FAR2: variants seen among roughly 807,000 people sequenced by gnomAD.
The protein encoded by FAR2 is fatty acyl-CoA reductase 2, also known as epididymis secretory protein Li 81.
A neutral mutation model predicts 56.0 loss-of-function variants in FAR2; 19 were observed. That is an observed-to-expected ratio of 0.34 (90% confidence interval 0.24 to 0.50). The LOEUF (loss-of-function observed/expected upper bound fraction) is 0.50, where lower values mean the gene tolerates loss of function less well. Ranked by LOEUF, FAR2 falls within the 20% of genes least tolerant of loss-of-function variation. The probability of loss-of-function intolerance (pLI) is 0.98; values close to 1 mark genes in which losing one functional copy is unlikely to be tolerated. For missense variants in FAR2, 508 were observed against 642.2 expected (o/e 0.79, Z 2.26); for synonymous variants, 219 against 218.8 (o/e 1.00, Z -0.01).
intron 4 of FAR2, among the ~76,000 whole-genome samples, 165 bp downstream of exon 4, chr12:29,297,365 G>A (rs1250083963): frequency 1.3e-5 from 2 of 152,116 alleles, no homozygotes; most frequent in Non-Finnish European, 2.9e-5. Context: ...GTTCTGGTGG[G>A]GAATATACTG....
At chr12:29,274,037 G>GC (rs1342654939) in intron 2 of FAR2, among the ~76,000 whole-genome samples, 3 of 149,408 alleles carry the variant, frequency 2.0e-5, no homozygotes, top group African/African-American at 7.3e-5. Flanking sequence ...CGGTTATTGT[G>GC]TTTGTTTTTC....
At position 29,186,762 on chromosome 12, in the gene FAR2, ATTTAT is replaced by A. The variant is rs1565685639; in HGVS notation, c.-39+37358_-39+37362del. On this transcript the variant is annotated intron_variant, in intron 1 of 11. Transcript: ENST00000536681. ...CAGCTTAGTTCTTTATTTATTATTT[ATTTAT>A]TTATTTATTTATTTATTTATTTATT... 3.6e-4 allele frequency among the ~76,000 whole-genome samples: 50 copies of A among 137,456 alleles called. 1 individual carries two copies. The highest frequency in any genetic ancestry group is 2.8e-3 in the South Asian group (13 of 4,564). The allele number at this position is 137,456 out of a possible 152,430, so 90.2% of individuals were successfully genotyped here. A position where few individuals can be genotyped will look rare whatever the true frequency, so the allele number is the denominator to read the frequency against.
intron 1 of FAR2, among the ~76,000 whole-genome samples, chr12:29,167,877 T>C (rs1379251965): frequency 6.6e-6 from 1 of 152,198 alleles, no homozygotes; most frequent in Non-Finnish European, 1.5e-5. Context: ...ATCAAAGCAT[T>C]AACTATTACA....
intron 1 of FAR2, among the ~76,000 whole-genome samples, chr12:29,238,178 C>T (rs1239373603): frequency 6.6e-6 from 1 of 151,654 alleles, no homozygotes; most frequent in East Asian, 1.9e-4. Context: ...TTTTAAAATA[C>T]TCCTCCCTTT....
intron 2 of FAR2, among the ~76,000 whole-genome samples, chr12:29,287,049 A>C (rs977204432): frequency 1.3e-5 from 2 of 152,156 alleles, no homozygotes; most frequent in Non-Finnish European, 2.9e-5. Flanking sequence ...CAAATATAAT[A>C]TTTCATGACT....
intron 1 of FAR2, among the ~76,000 whole-genome samples, chr12:29,211,017 G>A (rs1257740512): frequency 6.6e-6 from 1 of 152,028 alleles, no homozygotes; most frequent in African/African-American, 2.4e-5. Context: ...GTGTGTGTGT[G>A]TATGTGTGTG....
chr12:29,279,979 G>C (rs2350316), intron 2 of FAR2, among the ~76,000 whole-genome samples: 85,890 of 150,938 alleles, frequency 0.57, 25,251 homozygotes, highest in African/African-American at 0.72. Context: ...GGCTGGAGTG[G>C]AGTGGCACAA....
intron 1 of FAR2, among the ~76,000 whole-genome samples, chr12:29,179,730 C>G (rs914003187): frequency 7.2e-5 from 11 of 152,160 alleles, no homozygotes; most frequent in African/African-American, 9.7e-5. Flanking sequence ...CAAACTCTGC[C>G]TGGCCCCATC....
rs186451665 is a variant in FAR2 at position 29,185,477 on chromosome 12, C to T, written c.-39+36070C>T. On this transcript the variant is annotated intron_variant, in intron 1 of 11. Transcript: ENST00000536681. ...AAGCACCAGAAAAATAAACTTCATACAAACTTAGAACATTATACCGGGTGA... is the reference window on the plus strand; with the variant it reads ...AAGCACCAGAAAAATAAACTTCATATAAACTTAGAACATTATACCGGGTGA... 2.3e-3 allele frequency among the ~76,000 whole-genome samples: 350 copies of T among 152,230 alleles called. 1 individual carries two copies. Among genetic ancestry groups the T allele is most frequent in the Non-Finnish European group, 3.8e-3 (259 of 67,992 alleles).
intron 1 of FAR2, among the ~76,000 whole-genome samples, chr12:29,263,755 C>T (rs1330341488): frequency 6.7e-6 from 1 of 150,326 alleles, no homozygotes; most frequent in Non-Finnish European, 1.5e-5. Flanking sequence ...TAGATTGAGC[C>T]ATGAACAAAT....
rs552866611 is a variant in FAR2 at position 29,167,061 on chromosome 12, C to T, written c.-39+17654C>T. Among the ~76,000 whole-genome samples the T allele has an allele frequency of 8.3e-4, 127 of 152,230 alleles. 1 individual carries two copies. Among genetic ancestry groups the T allele is most frequent in the African/African-American group, 2.9e-3 (119 of 41,546 alleles). On this transcript the variant is annotated intron_variant, in intron 1 of 11. Coordinates refer to ENST00000536681, the MANE Select transcript of FAR2 (RefSeq NM_001271783.2). ...TCCCAATTTGGATCTTGCCAATAAT[C>T]GATTTTTCCTGCTCCAACCACCAGC...
chr12:29,217,603 CT>C (rs1203804383), intron 1 of FAR2, among the ~76,000 whole-genome samples: 3 of 152,192 alleles, frequency 2.0e-5, no homozygotes, highest in Non-Finnish European at 4.4e-5. Flanking sequence ...TGAGCTGGAA[CT>C]TACCAAAATT....
chr12:29,172,031 C>A (rs1949892088), intron 1 of FAR2: 1 of 151,838 alleles, frequency 6.6e-6, no homozygotes. Context: ...GTGAGGAGCA[C>A]CTCTGCCCGG....
intron 9 of FAR2, chr12:29,317,750 G>C (rs1949477864): frequency 6.6e-6 from 1 of 152,628 alleles, no homozygotes; most frequent in Non-Finnish European, 1.5e-5. Flanking sequence ...GCTGATGCAT[G>C]ATGATCCCAT....
intron 9 of FAR2, among the ~76,000 whole-genome samples, chr12:29,318,164 G>A (rs1008210115): frequency 9.8e-5 from 15 of 152,324 alleles, no homozygotes; most frequent in African/African-American, 3.4e-4. Flanking sequence ...CTTCTTCAGC[G>A]TGTTTGTCAT....
chr12:29,154,757 A>G (rs1006980532), intron 1 of FAR2, among the ~76,000 whole-genome samples: 2 of 145,350 alleles, frequency 1.4e-5, no homozygotes, highest in Non-Finnish European at 3.0e-5. Flanking sequence ...AGGAATCCTC[A>G]GAGCATGCAT....
chr12:29,163,346 C>A (rs567652414), intron 1 of FAR2, among the ~76,000 whole-genome samples: 1 of 152,296 alleles, frequency 6.6e-6, no homozygotes, highest in South Asian at 2.1e-4. Context: ...TTTAGTGAGT[C>A]AAGCTATTGT....
chr12:29,240,315 C>T (rs1465634747), intron 1 of FAR2, among the ~76,000 whole-genome samples: 2 of 152,122 alleles, frequency 1.3e-5, no homozygotes, highest in Non-Finnish European at 2.9e-5. Flanking sequence ...GTAGTTTCAC[C>T]ATCAACTCCC....
chr12:29,162,622 C>T (rs1174260741), intron 1 of FAR2, among the ~76,000 whole-genome samples: 1 of 152,066 alleles, frequency 6.6e-6, no homozygotes, highest in Non-Finnish European at 1.5e-5. Flanking sequence ...TAATTTGGAT[C>T]CTAGACATAA....
Sources: allele counts gnomAD v4.1 joint callset (sites outside exome capture counted in the v4.1 genomes callset), GRCh38; gene constraint gnomAD v4.1.1; transcripts MANE v1.5; gene names NCBI Gene and HGNC (gene_info 2026-07-23, HGNC 2026-07-21).